ZFHX3: variants seen among roughly 807,000 people sequenced by gnomAD.
ZFHX3 encodes the protein zinc finger homeobox protein 3.
A neutral mutation model predicts 279.1 loss-of-function variants in ZFHX3; 42 were observed. The observed-to-expected ratio is 0.15, with a 90% CI of 0.12 to 0.19. ZFHX3 has a LOEUF of 0.19. Ranked by LOEUF, ZFHX3 falls within the 10% of genes least tolerant of loss-of-function variation. ZFHX3 has a pLI of 1.00. For missense variants in ZFHX3, 4,981 were observed against 4,754.0 expected, an observed-to-expected ratio of 1.05 and a Z score of -1.40; for synonymous variants, 2,293 against 1,957.8, an observed-to-expected ratio of 1.17 and a Z score of -4.52.
At chr16:72,906,901 G>C (rs771479877) in intron 3 of ZFHX3, among the ~76,000 whole-genome samples, 2 of 152,224 alleles carry the variant, frequency 1.3e-5, no homozygotes, top group Non-Finnish European at 2.9e-5. Flanking sequence ...GCGAGGACTA[G>C]AGAGAGGACT....
At chr16:73,435,835 G>A (rs1032041040) in intron 3 of ZFHX3, among the ~76,000 whole-genome samples, 3 of 152,196 alleles carry the variant, frequency 2.0e-5, no homozygotes, top group South Asian at 2.1e-4. Context: ...GGGGTCAGGG[G>A]TATCTGCTGC....
At chr16:73,277,088 T>C (rs1244894054) in intron 4 of ZFHX3, among the ~76,000 whole-genome samples, 1 of 152,158 alleles carries the variant, frequency 6.6e-6, no homozygotes, top group East Asian at 1.9e-4. Flanking sequence ...GCAAGATCCT[T>C]AAGAGGAGTG....
At chr16:72,812,502 C>T (rs905534927) in intron 5 of ZFHX3, among the ~76,000 whole-genome samples, 6 of 152,142 alleles carry the variant, frequency 3.9e-5, no homozygotes, top group Non-Finnish European at 1.5e-5. Context: ...CTTGGAATCA[C>T]AACATGGCAC....
In ZFHX3 at chr16:73,793,157, G is replaced by A. The variant is rs575918518; in HGVS notation, c.-1608+98494C>T. On this transcript the variant is annotated intron_variant, in intron 1 of 17. Transcript: ENST00000641206. ...CTGTGCCTTCCTATTTCTTCCTTCT[G>A]TCCCTCTGTACAATGGAAAAACAAA... is the stretch of plus-strand genomic sequence containing the variant. Among the ~76,000 whole-genome samples the A allele has an allele frequency of 4.8e-4, 73 of 152,186 alleles. 1 individual carries two copies. In the South Asian group the frequency reaches 0.015, roughly 30 times the overall value.
chr16:73,731,178 G>C (rs1035192240), intron 1 of ZFHX3, among the ~76,000 whole-genome samples: 2 of 152,192 alleles, frequency 1.3e-5, no homozygotes, highest in African/African-American at 4.8e-5. Context: ...GTGAAGACTT[G>C]TCTGCGTGTA....
intron 3 of ZFHX3, among the ~76,000 whole-genome samples, chr16:73,415,774 A>G (rs1335188428): frequency 3.3e-5 from 5 of 152,156 alleles, no homozygotes; most frequent in Non-Finnish European, 7.4e-5. Context: ...GCTGCCTGTC[A>G]TAGGATCACA....
At chr16:73,803,999 A>G (rs1026348258) in intron 1 of ZFHX3, among the ~76,000 whole-genome samples, 1 of 152,138 alleles carries the variant, frequency 6.6e-6, no homozygotes, top group Non-Finnish European at 1.5e-5. Context: ...TCTACAAAAA[A>G]TACAAAAATT....
intron 3 of ZFHX3, among the ~76,000 whole-genome samples, chr16:73,418,586 A>AACATG: frequency 6.6e-6 from 1 of 152,232 alleles, no homozygotes; most frequent in Non-Finnish European, 1.5e-5. Flanking sequence ...ACATGTCAGA[A>AACATG]TCCCACAGAC....
At chr16:72,792,146 A>G (rs4788657) in intron 9 of ZFHX3, among the ~76,000 whole-genome samples, 5,082 of 152,278 alleles carry the variant, frequency 0.033, 618 homozygotes, top group East Asian at 0.28. Flanking sequence ...GAGGACAGAG[A>G]AGGAGAAACA....
Position 72,786,415 on chromosome 16 carries a change from A to AT in ZFHX3, c.*748dup, listed in dbSNP as rs71156124. ...ACACTCTTTGTGTGTGTGGGTTATT[A>AT]TTTTTTTTTTTTTTTGAAAGTGGGA... On this transcript the variant is annotated 3_prime_UTR_variant, in exon 10 of 10. Transcript: ENST00000268489. 0.15 allele frequency: 21,620 copies of AT among 141,540 alleles called. 1,721 individuals carry two copies. The highest frequency in any genetic ancestry group is 0.26 in the East Asian group (1,268 of 4,942). 8.8% of individuals were successfully genotyped at this position (141,540 alleles called of 1,614,324 possible).
At chr16:73,011,919 A>T (rs145760961) in intron 1 of ZFHX3, among the ~76,000 whole-genome samples, 38 of 152,162 alleles carry the variant, frequency 2.5e-4, no homozygotes, top group Non-Finnish European at 3.7e-4. Context: ...GTAAGTTTCT[A>T]TCGAGGGGTA....
chr16:73,282,206 T>C (rs1272421234), intron 4 of ZFHX3, among the ~76,000 whole-genome samples: 4 of 152,190 alleles, frequency 2.6e-5, no homozygotes, highest in Non-Finnish European at 5.9e-5. Context: ...TACCCCCTTT[T>C]CCATCAGTAA....
At chr16:73,244,459 A>T (rs1386632779) in intron 5 of ZFHX3, among the ~76,000 whole-genome samples, 1 of 152,204 alleles carries the variant, frequency 6.6e-6, no homozygotes, top group African/African-American at 2.4e-5. Flanking sequence ...GGGACAGGAC[A>T]TGGGGGCCAG....
intron 7 of ZFHX3, among the ~76,000 whole-genome samples, chr16:73,122,639 A>C (rs12449155): frequency 0.2 from 30,111 of 152,152 alleles, 3,950 homozygotes; most frequent in Middle Eastern, 0.35. Context: ...CCTGTAGACA[A>C]ACTGTCCAGC....
chr16:73,534,489 T>C (rs1288851625), intron 2 of ZFHX3, among the ~76,000 whole-genome samples: 2 of 152,188 alleles, frequency 1.3e-5, no homozygotes, highest in Non-Finnish European at 2.9e-5. Flanking sequence ...AACTTTATGG[T>C]GTTTATCGTT....
chr16:73,703,354 C>T (rs955106955), intron 1 of ZFHX3, among the ~76,000 whole-genome samples: 2 of 151,944 alleles, frequency 1.3e-5, no homozygotes, highest in Non-Finnish European at 2.9e-5. Context: ...ACCATTAAAA[C>T]AATCATTAAA....
At chr16:73,519,314 C>T (rs2019574336) in intron 2 of ZFHX3, among the ~76,000 whole-genome samples, 2 of 152,232 alleles carry the variant, frequency 1.3e-5, no homozygotes, top group African/African-American at 4.8e-5. Flanking sequence ...AAACATTCAA[C>T]ATTTAATCAG....
chr16:73,512,232 A>G (rs1042540170), intron 2 of ZFHX3, among the ~76,000 whole-genome samples: 1 of 147,858 alleles, frequency 6.8e-6, no homozygotes, highest in African/African-American at 2.5e-5. Context: ...GGTTGAGACC[A>G]TCCTGGCCCA....
intron 1 of ZFHX3, among the ~76,000 whole-genome samples, chr16:73,755,336 A>C (rs2053798831): frequency 6.6e-6 from 1 of 152,166 alleles, no homozygotes; most frequent in Non-Finnish European, 1.5e-5. Flanking sequence ...AGAAAGAAGA[A>C]AAAAAAGATG....
Sources: gnomAD v4.1 joint callset for allele counts (sites outside exome capture counted in the v4.1 genomes callset) on GRCh38, gnomAD v4.1.1 for gene constraint, MANE v1.5 for transcripts, NCBI Gene and HGNC (gene_info 2026-07-23, HGNC 2026-07-21) for gene names.